SFR1: variants seen among roughly 807,000 people sequenced by gnomAD.
The protein encoded by SFR1 is SWI5 dependent homologous recombination repair protein 1, also known as swi5-dependent recombination DNA repair protein 1 homolog.
Under a neutral mutation model 26.2 loss-of-function variants are expected in SFR1, and 24 were observed. The observed-to-expected ratio is 0.92, with a 90% CI of 0.66 to 1.29. The LOEUF (loss-of-function observed/expected upper bound fraction) is 1.29, where lower values mean the gene tolerates loss of function less well. SFR1 is among the 50% of genes most tolerant of loss of function. The probability of loss-of-function intolerance (pLI) is 0.00; values close to 1 mark genes in which losing one functional copy is unlikely to be tolerated. For missense variants in SFR1, 276 were observed against 270.2 expected (o/e 1.02, Z -0.15); for synonymous variants, 77 against 96.6 (o/e 0.80, Z 1.19).
At chr10:104,122,916 T>A (rs775145193) in intron 1 of SFR1, 49 bp from the exon 2 acceptor site, 4 of 1,594,248 alleles carry the variant, frequency 2.5e-6, no homozygotes, top group Middle Eastern at 1.7e-4. Context: ...AAAAGTCGAC[T>A]ATAGAGAGGT....
upstream of SFR1, among the ~76,000 whole-genome samples, chr10:104,121,565 T>C (rs985652802): frequency 2.6e-5 from 4 of 152,170 alleles, no homozygotes; most frequent in African/African-American, 9.6e-5. Context: ...TCTCTGCCTC[T>C]GGGGAGTCCA....
chr10:104,122,088 CA>C (rs1159308413), upstream of SFR1: 3 of 1,423,670 alleles, frequency 2.1e-6, no homozygotes, highest in Non-Finnish European at 2.9e-6. Flanking sequence ...GCAATCTGGC[CA>C]ATTGCGCATC....
chr10:104,121,370 C>A (rs981600496), upstream of SFR1, among the ~76,000 whole-genome samples: 1 of 152,138 alleles, frequency 6.6e-6, no homozygotes, highest in African/African-American at 2.4e-5. Context: ...GCGACGGGAC[C>A]GCCGAGTTTG....
At chr10:104,121,928 G>A, upstream of SFR1, 2 of 494,164 alleles carry the variant, frequency 4.0e-6, no homozygotes, top group Non-Finnish European at 7.2e-6. Context: ...GCTGGGCGGG[G>A]AGAGCCGCGC....
rs939475283 is a variant in SFR1 at position 104,123,886 on chromosome 10, A to G, written c.308A>G (p.Lys103Arg). 5 of 1,613,230 alleles carry G rather than the reference A, an allele frequency of 3.1e-6. No homozygotes were observed. Among genetic ancestry groups the G allele is most frequent in the Non-Finnish European group, 3.4e-6 (4 of 1,179,826 alleles). ...ENCLEFQESF[K>R]HIDSEFEENT... is the part of the protein sequence containing the mutation. The stretch of plus-strand genomic sequence containing the variant: ...TGTTTGGAATTTCAAGAAAGTTTTA[A>G]ACATATAGACAGTGAATTTGAAGAA... The change falls in exon 3 of 4, where the codon AAA becomes AGA. Residue 103 changes from lysine (K) to arginine (R), a missense_variant. Lys to Arg is a conservative substitution (Grantham distance 26, BLOSUM62 2). Coordinates refer to ENST00000369727, the MANE Select transcript of SFR1 (RefSeq NM_001002759.2).
At chr10:104,121,704 G>A (rs1415801610), upstream of SFR1, among the ~76,000 whole-genome samples, 2 of 152,214 alleles carry the variant, frequency 1.3e-5, no homozygotes, top group Non-Finnish European at 2.9e-5. Context: ...GCGGGCTGGC[G>A]GGGGTGGGGA....
rs1313227731 is a variant in SFR1 at position 104,123,078 on chromosome 10, C to T, written c.127C>T (p.Arg43Ter). ...ATCATCTCCCTATACAAATAGTTCC[C>T]GAAAACAAGTATGAAAATCTTTGTT... ...NPSSPYTNSS[R>*]KQPMSATLRE... The change falls in exon 2 of 4, where the codon CGA (arginine) becomes TGA (stop). Residue 43 changes from arginine (R) to a stop codon, truncating the protein, a stop_gained. Coordinates refer to ENST00000369727, the MANE Select transcript of SFR1 (RefSeq NM_001002759.2). LOFTEE classifies it high-confidence loss of function. 5.8e-6 allele frequency: 9 copies of T among 1,561,196 alleles called. No homozygotes were observed. Among genetic ancestry groups the T allele is most frequent in the African/African-American group, 1.4e-5 (1 of 72,510 alleles).
chr10:104,122,152 C>G (rs752809244), upstream of SFR1: 1 of 1,547,392 alleles, frequency 6.5e-7, no homozygotes, highest in Non-Finnish European at 8.7e-7. Context: ...TTTACGGCCG[C>G]AGGTGCGCGC....
intron 1 of SFR1, 89 bp downstream of exon 1, chr10:104,122,285 C>G (rs1470143593): frequency 6.9e-7 from 1 of 1,446,622 alleles, no homozygotes; most frequent in East Asian, 2.8e-5. Context: ...CTTTCCGGGT[C>G]TGGGGAACTC....
chr10:104,124,216 A>G (rs2087001707), intron 3 of SFR1, 92 bp downstream of exon 3: 1 of 1,116,046 alleles, frequency 9.0e-7, no homozygotes, highest in Non-Finnish European at 1.2e-6. Context: ...TTTTTACCAT[A>G]ATAAGCAATA....
chr10:104,122,199 A>C lies in SFR1; in HGVS notation c.13+3A>C. ...CTCGCTGGGAATGGCGGAGGGAGGT[A>C]CCCTGCTGAGGGGAAGGGGGGATCC... On this transcript the variant is annotated splice_donor_region_variant and intron_variant, in intron 1 of 3. Transcript: ENST00000369727. 5.2e-6 allele frequency: 8 copies of C among 1,543,932 alleles called. No homozygotes were observed. The highest frequency in any genetic ancestry group is 7.0e-6 in the Non-Finnish European group (8 of 1,143,868).
upstream of SFR1, chr10:104,122,127 C>T (rs796268315): frequency 1.7e-5 from 26 of 1,545,912 alleles, no homozygotes; most frequent in African/African-American, 2.6e-4. Context: ...GGCCCCGCCC[C>T]TGCCACAGGA....
chr10:104,123,060 C>T lies in SFR1; in HGVS notation c.109C>T (p.Pro37Ser). The change falls in exon 2 of 4, where the codon CCC becomes TCC. Residue 37 changes from proline to serine, a missense_variant. Coordinates refer to ENST00000369727, the MANE Select transcript of SFR1 (RefSeq NM_001002759.2). ...TCAGGCCTCTGCGAATCCATCATCT[C>T]CCTATACAAATAGTTCCCGAAAACA... ...TPQASANPSS[P>S]YTNSSRKQPM... The T allele has an allele frequency of 6.3e-7, 1 of 1,587,884 alleles. No homozygotes were observed. Among genetic ancestry groups the T allele is most frequent in the African/African-American group, 1.4e-5 (1 of 73,392 alleles).
chr10:104,122,127 CT>C, upstream of SFR1: 1 of 1,545,914 alleles, frequency 6.5e-7, no homozygotes, highest in African/African-American at 1.4e-5. Context: ...GGCCCCGCCC[CT>C]GCCACAGGAT....
chr10:104,123,756 T>G lies in SFR1; in HGVS notation c.178T>G (p.Phe60Val), dbSNP rs2086994613. ...TAGAGAAAGATTAAGGAAAACAAGA[T>G]TTTCATTTAATTCCTCTTACAATGT... ...TLRERLRKTR[F>V]SFNSSYNVVK... Residue 60 changes from phenylalanine (F) to valine (V), a missense_variant, in exon 3 of 4, where the codon TTT (phenylalanine) becomes GTT (valine). Coordinates refer to ENST00000369727, the MANE Select transcript of SFR1 (RefSeq NM_001002759.2). 6.2e-7 allele frequency: 1 copy of G among 1,605,456 alleles called. No individual in the cohort carries two copies. The highest frequency in any genetic ancestry group is 1.1e-5 in the South Asian group (1 of 89,054).
chr10:104,122,219 G>C, intron 1 of SFR1, 23 bp downstream of exon 1: 1 of 1,535,450 alleles, frequency 6.5e-7, no homozygotes, highest in South Asian at 1.2e-5. Context: ...GGGGAAGGGG[G>C]GATCCCTGAC....
chr10:104,121,904 C>G (rs546788309), upstream of SFR1, among the ~76,000 whole-genome samples: 5 of 152,170 alleles, frequency 3.3e-5, no homozygotes, highest in African/African-American at 1.2e-4. Context: ...CGCGCACTCA[C>G]GCTGCTCTCG....
intron 2 of SFR1, chr10:104,123,308 C>G: frequency 2.0e-6 from 1 of 488,772 alleles, no homozygotes; most frequent in Non-Finnish European, 3.6e-6. Context: ...CAGTTAGTTT[C>G]AGATTAGGTT....
At chr10:104,124,554 T>A (rs180900531) in intron 3 of SFR1, among the ~76,000 whole-genome samples, 223 of 146,838 alleles carry the variant, frequency 1.5e-3, no homozygotes, top group Non-Finnish European at 2.5e-3. Context: ...TTTGAGAAAA[T>A]ATATATATAT....
Sources: gnomAD v4.1 joint callset for allele counts (sites outside exome capture counted in the v4.1 genomes callset) on GRCh38, gnomAD v4.1.1 for gene constraint, MANE v1.5 for transcripts, NCBI Gene and HGNC (gene_info 2026-07-23, HGNC 2026-07-21) for gene names.